The following RAB11FIP3 variants were observed in gnomAD, a reference collection of about 807,000 sequenced individuals.
RAB11FIP3 encodes the protein RAB11 family interacting protein 3.
In RAB11FIP3, 17 loss-of-function variants were observed where a neutral mutation model predicts 77.8. The observed-to-expected ratio is 0.22, with a 90% CI of 0.15 to 0.33. The LOEUF (loss-of-function observed/expected upper bound fraction) is 0.33, where lower values mean the gene tolerates loss of function less well. Among genes scored for constraint, RAB11FIP3 ranks in the 10% least tolerant of loss-of-function variants. The pLI is 1.00. For missense variants in RAB11FIP3, 1,005 were observed against 1,011.2 expected (o/e 0.99, Z 0.08); for synonymous variants, 437 against 448.2 (o/e 0.98, Z 0.31).
At chr16:442,158 C>T (rs1019373057) in intron 1 of RAB11FIP3, among the ~76,000 whole-genome samples, 3 of 152,070 alleles carry the variant, frequency 2.0e-5, no homozygotes, top group South Asian at 2.1e-4. Flanking sequence ...TTTTAAGAAA[C>T]GGGGTCTCAC....
At chr16:494,181 A>G (rs1039564713) in intron 5 of RAB11FIP3, among the ~76,000 whole-genome samples, 1 of 148,656 alleles carries the variant, frequency 6.7e-6, no homozygotes, top group African/African-American at 2.5e-5. Flanking sequence ...GAGCCACCGC[A>G]CCTGGCCACC....
rs2054930801 is a variant in RAB11FIP3, at chr16:425,936, C to T, written c.-71C>T. 3 of 637,062 alleles carry T rather than the reference C, an allele frequency of 4.7e-6. No individual in the cohort carries two copies. The highest frequency in any genetic ancestry group is 2.0e-5 in the African/African-American group (1 of 49,384). 39.5% of individuals were successfully genotyped at this position (637,062 alleles called of 1,614,324 possible). On this transcript the variant is annotated 5_prime_UTR_variant, in exon 1 of 14. Coordinates refer to ENST00000262305, the MANE Select transcript of RAB11FIP3 (RefSeq NM_014700.4). ...GCCCGCGCCGCCGAGGGGATGCCCG[C>T]GCCCGCCGCCGCGCCCTGAGCGCCT...
intron 5 of RAB11FIP3, among the ~76,000 whole-genome samples, chr16:493,283 G>A (rs993209761): frequency 1.2e-4 from 18 of 149,260 alleles, no homozygotes; most frequent in Middle Eastern, 3.6e-3. Flanking sequence ...ACTCTACCAA[G>A]TGGTTAATAT....
chr16:497,094 G>A (rs910537879), intron 6 of RAB11FIP3: 4 of 550,716 alleles, frequency 7.3e-6, no homozygotes, highest in African/African-American at 5.9e-5. Flanking sequence ...AGCTTTTGGT[G>A]CTGGGCCTCT....
intron 6 of RAB11FIP3, among the ~76,000 whole-genome samples, chr16:497,719 T>C (rs1472959978): frequency 6.6e-6 from 1 of 152,198 alleles, no homozygotes. Context: ...TCTCTGGTTT[T>C]TGTCCAGCGT....
intron 1 of RAB11FIP3, among the ~76,000 whole-genome samples, chr16:438,486 A>G (rs2055169057): frequency 6.8e-6 from 1 of 147,112 alleles, no homozygotes; most frequent in Non-Finnish European, 1.5e-5. Flanking sequence ...GCTCACTGCA[A>G]CCTCCGCTTC....
chr16:492,529 CGAGGCCGTCCA>C (rs2030648633), intron 5 of RAB11FIP3, among the ~76,000 whole-genome samples: 2 of 151,232 alleles, frequency 1.3e-5, no homozygotes, highest in Admixed American at 6.6e-5. Context: ...CCGGGAGACC[CGAGGCCGTCCA>C]GAATCTTGGA....
At chr16:451,695 C>T (rs2055411167) in intron 1 of RAB11FIP3, among the ~76,000 whole-genome samples, 1 of 151,924 alleles carries the variant, frequency 6.6e-6, no homozygotes, top group South Asian at 2.1e-4. Context: ...ATTAGCCAGG[C>T]ATGGTGGTGT....
At chr16:435,692 A>G (rs557271158) in intron 1 of RAB11FIP3, among the ~76,000 whole-genome samples, 1 of 152,348 alleles carries the variant, frequency 6.6e-6, no homozygotes, top group Non-Finnish European at 1.5e-5. Flanking sequence ...TATTTTGAAA[A>G]GTAGTGCCTT....
intron 2 of RAB11FIP3, among the ~76,000 whole-genome samples, chr16:465,224 T>C (rs906276949): frequency 6.6e-6 from 1 of 151,864 alleles, no homozygotes; most frequent in Non-Finnish European, 1.5e-5. Context: ...GGCTTCTAGG[T>C]TGATGGTGAG....
chr16:426,254 G>C lies in RAB11FIP3; in HGVS notation c.248G>C (p.Arg83Pro). ...GPAPGLEGGP[R>P]DPGPSAPPPR... ...GCCCCGGGGCTGGAGGGAGGCCCGC[G>C]AGACCCCGGGCCGTCCGCCCCGCCG... The change falls in exon 1 of 14, where the codon CGA becomes CCA. Residue 83 changes from arginine to proline, a missense_variant. Physicochemically the swap from Arg to Pro is moderately radical, Grantham distance 103. Around this residue, in one of 4 missense-constraint regions of RAB11FIP3, gnomAD observed 466 missense variants for 408.3 expected, o/e 1.14. Transcript: ENST00000262305. This position sits in a 1 kb window ranked among gnomAD's most constrained non-coding sequence, Gnocchi z 5.0. The C allele has an allele frequency of 1.7e-6, 2 of 1,144,794 alleles. No homozygotes were observed. Among genetic ancestry groups the C allele is most frequent in the Non-Finnish European group, 2.1e-6 (2 of 933,218 alleles). The allele number at this position is 1,144,794 out of a possible 1,614,324, so 70.9% of individuals were successfully genotyped here. A position where few individuals can be genotyped will look rare whatever the true frequency, so the allele number is the denominator to read the frequency against.
Position 510,667 on chromosome 16 carries a change from G to C in RAB11FIP3, c.1507G>C (p.Ala503Pro). 6.2e-7 allele frequency: 1 copy of C among 1,606,022 alleles called. No individual in the cohort carries two copies. The highest frequency in any genetic ancestry group is 8.5e-7 in the Non-Finnish European group (1 of 1,176,940). Residue 503 changes from alanine (A) to proline (P), a missense_variant, in exon 9 of 14, where the codon GCC becomes CCC. Physicochemically the swap from Ala to Pro is conservative, Grantham distance 27. Coordinates refer to ENST00000262305, the MANE Select transcript of RAB11FIP3 (RefSeq NM_014700.4). ...CTCCCTTTGCCTTTCAAGAGCAAACGCCCTGGAGGAGCAGCTGAAGGAGCA... is the reference window on the plus strand; with the variant it reads ...CTCCCTTTGCCTTTCAAGAGCAAACCCCCTGGAGGAGCAGCTGAAGGAGCA... ...ENLQLVHRAN[A>P]LEEQLKEQEL...
At chr16:463,750 G>C (rs2055657230) in intron 2 of RAB11FIP3, among the ~76,000 whole-genome samples, 1 of 152,064 alleles carries the variant, frequency 6.6e-6, no homozygotes, top group Non-Finnish European at 1.5e-5. Flanking sequence ...TTCCCCATTT[G>C]TTACTCTTTA....
rs2055826894 is a variant in RAB11FIP3, at chr16:472,473, C to T, written c.903+1084C>T. 2.0e-5 allele frequency among the ~76,000 whole-genome samples: 3 copies of T among 152,208 alleles called. No individual in the cohort carries two copies. Among genetic ancestry groups the T allele is most frequent in the Non-Finnish European group, 4.4e-5 (3 of 68,034 alleles). Reference sequence around the variant, plus strand: ...GTGTGGTGGGAGTTGGACCCTCTCGCATGGCTGCAGTGTGCAGAACGTGCT... The same window carrying T: ...GTGTGGTGGGAGTTGGACCCTCTCGTATGGCTGCAGTGTGCAGAACGTGCT... On this transcript the variant is annotated intron_variant, in intron 3 of 13. Transcript: ENST00000262305. The surrounding 1 kb of genome is among the most constrained non-coding windows in gnomAD (Gnocchi z 4.1).
At chr16:515,490 G>T (rs1482248869) in intron 9 of RAB11FIP3, among the ~76,000 whole-genome samples, 4 of 149,560 alleles carry the variant, frequency 2.7e-5, no homozygotes, top group African/African-American at 1.0e-4. Context: ...GGCTGACACG[G>T]ACCGGGGTTC....
At chr16:497,547 C>T (rs1410419704) in intron 6 of RAB11FIP3, 1 of 1,030,800 alleles carries the variant, frequency 9.7e-7, no homozygotes, top group Non-Finnish European at 1.2e-6. Context: ...CCAGCTTCCT[C>T]TGGAGCATCC....
At chr16:494,070 A>AT (rs148538303) in intron 5 of RAB11FIP3, among the ~76,000 whole-genome samples, 13,321 of 54,180 alleles carry the variant, frequency 0.25, 1,511 homozygotes, top group Middle Eastern at 0.35. Flanking sequence ...CACCTGGCTA[A>AT]CTTTTGTATT....
In RAB11FIP3 at chr16:427,540, AAAGTTT is replaced by A. The variant is rs572330220; in HGVS notation, c.714+825_714+830del. Reference sequence around the variant, plus strand: ...GTTCCTGTCTACCTCAGCACTTAATAAAGTTTAAGTGGAGATAACAGCAGGGCCGTG... The same window carrying A: ...GTTCCTGTCTACCTCAGCACTTAATAAAGTGGAGATAACAGCAGGGCCGTG... On this transcript the variant is annotated intron_variant, in intron 1 of 13. Transcript: ENST00000262305. Among the ~76,000 whole-genome samples the A allele has an allele frequency of 1.9e-3, 296 of 152,356 alleles. 2 individuals carry two copies. The highest frequency in any genetic ancestry group is 6.6e-3 in the African/African-American group (276 of 41,586).
chr16:428,921 T>C (rs998838660), intron 1 of RAB11FIP3, among the ~76,000 whole-genome samples: 18 of 152,134 alleles, frequency 1.2e-4, no homozygotes, highest in Admixed American at 9.2e-4. Flanking sequence ...AATTCGAAGG[T>C]TGGGGGCAAG....
Sources: allele counts gnomAD v4.1 joint callset (sites outside exome capture counted in the v4.1 genomes callset), GRCh38; gene constraint gnomAD v4.1.1; regional missense constraint gnomAD v4.1.1; non-coding constraint Gnocchi (gnomAD v3.1); transcripts MANE v1.5; gene names NCBI Gene and HGNC (gene_info 2026-07-23, HGNC 2026-07-21).